The following CA10 variants were observed in gnomAD, a reference collection of about 807,000 sequenced individuals.
CA10 encodes the protein carbonic anhydrase 10 (inactive).
A neutral mutation model predicts 44.2 loss-of-function variants in CA10; 14 were observed. The ratio of observed to expected loss-of-function variants is 0.32; its 90% CI spans 0.21 to 0.50. CA10 has a LOEUF of 0.50. CA10 is among the 20% of genes least tolerant of loss of function. The pLI, the probability that CA10 is intolerant of heterozygous loss-of-function variation, is 0.99. For synonymous variants in CA10, 159 were observed against 141.6 expected (o/e 1.12, Z -0.87); for missense variants, 350 against 409.7 (o/e 0.85, Z 1.26).
intron 3 of CA10, among the ~76,000 whole-genome samples, chr17:51,786,692 C>A (rs1906299481): frequency 6.6e-6 from 1 of 152,016 alleles, no homozygotes; most frequent in Non-Finnish European, 1.5e-5. Context: ...TGAGTAAAAA[C>A]ATTGAGTACT....
intron 4 of CA10, among the ~76,000 whole-genome samples, chr17:51,724,430 A>G (rs1305502264): frequency 6.6e-6 from 1 of 152,194 alleles, no homozygotes; most frequent in East Asian, 1.9e-4. Context: ...GTTGCCAACA[A>G]AAGTATAAGA....
At chr17:51,900,871 TA>T (rs1981283966) in intron 3 of CA10, among the ~76,000 whole-genome samples, 1 of 152,210 alleles carries the variant, frequency 6.6e-6, no homozygotes, top group Admixed American at 6.5e-5. Flanking sequence ...TCAATTTGAT[TA>T]TTTCTTAAAA....
intron 2 of CA10, among the ~76,000 whole-genome samples, chr17:51,968,544 A>T (rs143333115): frequency 6.6e-6 from 1 of 152,050 alleles, no homozygotes; most frequent in East Asian, 1.9e-4. Flanking sequence ...GACACTATAG[A>T]GACAGACAGG....
intron 2 of CA10, among the ~76,000 whole-genome samples, chr17:51,953,550 A>G (rs1983561978): frequency 6.6e-6 from 1 of 151,914 alleles, no homozygotes; most frequent in African/African-American, 2.4e-5. Context: ...GATTAGGGAT[A>G]TTTGACATCT....
At position 51,909,211 on chromosome 17, in the gene CA10, C is replaced by CA. The variant is rs548667886; in HGVS notation, c.279+21778dup. On this transcript the variant is annotated intron_variant, in intron 3 of 8. Transcript: ENST00000451037. ...TCTCTTTCCTAGCCTCTGTTAAAGA[C>CA]AAAAAAACTCATTTTTTCCAGCTAA... is the stretch of plus-strand genomic sequence containing the variant. 1.8e-4 allele frequency among the ~76,000 whole-genome samples: 28 copies of CA among 152,142 alleles called. No homozygotes were observed. In the South Asian group the frequency reaches 5.4e-3, roughly 29 times the overall value.
intron 2 of CA10, among the ~76,000 whole-genome samples, chr17:52,054,229 G>A (rs905028171): frequency 2.0e-5 from 3 of 152,134 alleles, no homozygotes; most frequent in African/African-American, 4.8e-5. Context: ...GTGTCCCTAA[G>A]GGGAGGCCTC....
At chr17:51,882,071 A>AC (rs1201498475) in intron 3 of CA10, among the ~76,000 whole-genome samples, 2 of 151,660 alleles carry the variant, frequency 1.3e-5, no homozygotes, top group Admixed American at 1.3e-4. Context: ...GGCAACAAAA[A>AC]AAAAAAAAAA....
chr17:51,902,822 G>A (rs958740298), intron 3 of CA10, among the ~76,000 whole-genome samples: 3 of 152,162 alleles, frequency 2.0e-5, no homozygotes, highest in Non-Finnish European at 2.9e-5. Context: ...CTATGAAAGT[G>A]TTAGGCATTC....
chr17:51,865,868 C>T (rs1207909459), intron 3 of CA10, among the ~76,000 whole-genome samples: 1 of 152,146 alleles, frequency 6.6e-6, no homozygotes, highest in African/African-American at 2.4e-5. Context: ...GCACCCACAG[C>T]CTAAGCTAGA....
intron 3 of CA10, among the ~76,000 whole-genome samples, chr17:51,863,671 C>G (rs2143845980): frequency 6.6e-6 from 1 of 152,260 alleles, no homozygotes; most frequent in Admixed American, 6.5e-5. Flanking sequence ...CGGACACCCT[C>G]AGGTTTGGTA....
chr17:51,665,323 G>A (rs1318494197), intron 4 of CA10, among the ~76,000 whole-genome samples: 1 of 152,150 alleles, frequency 6.6e-6, no homozygotes, highest in African/African-American at 2.4e-5. Flanking sequence ...AGGGCTGGGA[G>A]TCAAAGGGGC....
At chr17:51,796,480 T>TG (rs1248362792) in intron 3 of CA10, among the ~76,000 whole-genome samples, 2 of 151,996 alleles carry the variant, frequency 1.3e-5, no homozygotes, top group Non-Finnish European at 2.9e-5. Context: ...TTCTATGGGG[T>TG]GGGGGAGATA....
intron 2 of CA10, among the ~76,000 whole-genome samples, chr17:52,018,882 T>C (rs1986051300): frequency 6.6e-6 from 1 of 152,056 alleles, no homozygotes; most frequent in East Asian, 1.9e-4. Flanking sequence ...CGGGGGTAGA[T>C]CCCTCATGAA....
At chr17:52,075,602 ACTAT>A (rs2143150570) in intron 1 of CA10, among the ~76,000 whole-genome samples, 1 of 152,280 alleles carries the variant, frequency 6.6e-6, no homozygotes, top group East Asian at 1.9e-4. Context: ...GTTGTTTCTA[ACTAT>A]CTAATATGTT....
rs567963260 is a variant in CA10, at chr17:51,864,351, A to G, written c.279+66639T>C. On this transcript the variant is annotated intron_variant, in intron 3 of 8. Coordinates refer to ENST00000451037, the MANE Select transcript of CA10 (RefSeq NM_020178.5). The stretch of plus-strand genomic sequence containing the variant: ...TGGTCCATAAATATTTGCTAAATGA[A>G]TAACAGAGTGAATAATAAAAGTCAA... Among the ~76,000 whole-genome samples, 42 of 152,348 alleles carry G rather than the reference A, an allele frequency of 2.8e-4. 1 individual carries two copies. The highest frequency in any genetic ancestry group is 7.7e-4 in the African/African-American group (32 of 41,584).
intron 3 of CA10, among the ~76,000 whole-genome samples, chr17:51,903,974 T>A (rs1286979083): frequency 6.6e-6 from 1 of 151,808 alleles, no homozygotes; most frequent in Non-Finnish European, 1.5e-5. Flanking sequence ...TGACCTGACA[T>A]GTATGTGGGA....
At chr17:51,999,503 GGCACTGGTGTAGT>G (rs1268048101) in intron 2 of CA10, among the ~76,000 whole-genome samples, 11 of 152,000 alleles carry the variant, frequency 7.2e-5, no homozygotes, top group African/African-American at 2.7e-4. Flanking sequence ...TTGAGTATGA[GGCACTGGTGTAGT>G]GCACAAGCCT....
At chr17:51,884,039 A>C (rs1034394805) in intron 3 of CA10, among the ~76,000 whole-genome samples, 2 of 152,192 alleles carry the variant, frequency 1.3e-5, no homozygotes, top group African/African-American at 4.8e-5. Flanking sequence ...GTCATCCTTG[A>C]CCCTTCTTTT....
chr17:51,674,137 A>ATC (rs1914532110), intron 4 of CA10, among the ~76,000 whole-genome samples: 2 of 152,246 alleles, frequency 1.3e-5, no homozygotes, highest in African/African-American at 4.8e-5. Context: ...TGTACAGCGC[A>ATC]TCTCCCAGGT....
Sources: allele counts gnomAD v4.1 joint callset (sites outside exome capture counted in the v4.1 genomes callset), GRCh38; gene constraint gnomAD v4.1.1; transcripts MANE v1.5; gene names NCBI Gene and HGNC (gene_info 2026-07-23, HGNC 2026-07-21).